ARHGEF1: variants seen among roughly 807,000 people sequenced by gnomAD.
The protein encoded by ARHGEF1 is Rho guanine nucleotide exchange factor 1, also known as 115 kDa guanine nucleotide exchange factor.
In ARHGEF1, 40 loss-of-function variants were observed where a neutral mutation model predicts 119.7. The ratio of observed to expected loss-of-function variants is 0.33; its 90% CI spans 0.26 to 0.44. ARHGEF1 has a LOEUF of 0.44. Ranked by LOEUF, ARHGEF1 falls within the 20% of genes least tolerant of loss-of-function variation. ARHGEF1 has a pLI of 1.00. For synonymous variants in ARHGEF1, 494 were observed against 521.0 expected, an observed-to-expected ratio of 0.95 and a Z score of 0.71; for missense variants, 976 against 1,268.3, an observed-to-expected ratio of 0.77 and a Z score of 3.50.
At chr19:41,909,215 GT>G, downstream of ARHGEF1, 1 of 1,230,722 alleles carries the variant, frequency 8.1e-7, no homozygotes. The surrounding 1 kb of genome is among the most constrained non-coding windows in gnomAD (Gnocchi z 5.2). Context: ...TTCTCAGACT[GT>G]CCCCTCCCCA....
In ARHGEF1 at chr19:41,903,512, C is replaced by A; in HGVS notation, c.1839+105C>A. The A allele has an allele frequency of 8.6e-7, 1 of 1,161,888 alleles. No individual in the cohort carries two copies. Among genetic ancestry groups the A allele is most frequent in the Non-Finnish European group, 1.2e-6 (1 of 839,732 alleles). The allele number at this position is 1,161,888 out of a possible 1,614,324, so 72.0% of individuals were successfully genotyped here. On this transcript the variant is annotated intron_variant, in intron 19 of 28. Coordinates refer to ENST00000354532, the MANE Select transcript of ARHGEF1 (RefSeq NM_004706.4). The surrounding 1 kb of genome is among the most constrained non-coding windows in gnomAD (Gnocchi z 4.2). ...AGTCACACCCCACCCCTTGGCTTGT[C>A]TCCCTCAAGGGTCACTGTGTCCAGG...
chr19:41,885,556 G>T (rs1225890549), intron 1 of ARHGEF1, among the ~76,000 whole-genome samples: 1 of 152,150 alleles, frequency 6.6e-6, no homozygotes, highest in Non-Finnish European at 1.5e-5. Context: ...CCGCCTCCCG[G>T]ATTCAAGCGA....
chr19:41,905,082 T>A lies in ARHGEF1; in HGVS notation c.2249+46T>A. ...TGAGTGTGGGTGGAGGACGCCCAGGTTTCTGGGTTCCCAGGGACAGGAGGG... is the reference window on the plus strand; with the variant it reads ...TGAGTGTGGGTGGAGGACGCCCAGGATTCTGGGTTCCCAGGGACAGGAGGG... On this transcript the variant is annotated intron_variant, in intron 23 of 28. Transcript: ENST00000354532. The surrounding 1 kb of genome is among the most constrained non-coding windows in gnomAD (Gnocchi z 6.4). 2 of 1,610,952 alleles carry A rather than the reference T, an allele frequency of 1.2e-6. No homozygotes were observed. The highest frequency in any genetic ancestry group is 1.7e-6 in the Non-Finnish European group (2 of 1,177,298).
At chr19:41,885,916 C>T (rs1357890793) in intron 1 of ARHGEF1, among the ~76,000 whole-genome samples, 1 of 152,032 alleles carries the variant, frequency 6.6e-6, no homozygotes, top group African/African-American at 2.4e-5. Context: ...CCACACCTGG[C>T]TATCTTTTGT....
At chr19:41,911,908 CAT>C (rs782278376), downstream of ARHGEF1, among the ~76,000 whole-genome samples, 6 of 151,980 alleles carry the variant, frequency 3.9e-5, no homozygotes, top group African/African-American at 9.7e-5. Context: ...AGAATTCACT[CAT>C]GTGCACATGG....
chr19:41,897,942 C>T (rs988324022), intron 13 of ARHGEF1: 1 of 1,302,194 alleles, frequency 7.7e-7, no homozygotes, highest in African/African-American at 1.5e-5. Flanking sequence ...GCCTCGGGGT[C>T]CAGGCTATCA....
chr19:41,895,343 C>A lies in ARHGEF1; in HGVS notation c.878-6C>A. ...TCTCCCTCTTTCTCCCTCACTGTCT[C>A]CCCAGCCGAGAAGCCAGGTGCTACA... On this transcript the variant is annotated splice_region_variant and splice_polypyrimidine_tract_variant and intron_variant, in intron 11 of 28. Transcript: ENST00000354532. The A allele has an allele frequency of 6.2e-7, 1 of 1,604,058 alleles. No homozygotes were observed. Among genetic ancestry groups the A allele is most frequent in the Non-Finnish European group, 8.5e-7 (1 of 1,174,142 alleles).
At chr19:41,920,157 CATG>C (rs1362128755), upstream of ARHGEF1, among the ~76,000 whole-genome samples, 15 of 115,090 alleles carry the variant, frequency 1.3e-4, no homozygotes, top group African/African-American at 6.5e-4. Flanking sequence ...CACGCCCAGA[CATG>C]ATGCACTCAG....
chr19:41,907,715 G>GTTCTT, downstream of ARHGEF1: 1 of 279,870 alleles, frequency 3.6e-6, no homozygotes, highest in Non-Finnish European at 6.6e-6. Context: ...CTCACTCTCT[G>GTTCTT]TTCTTTTATT....
chr19:41,904,529 G>C lies in ARHGEF1; in HGVS notation c.2161+146G>C, dbSNP rs954802184. 1 of 1,001,766 alleles carries C rather than the reference G, an allele frequency of 1.0e-6. No individual in the cohort carries two copies. The highest frequency in any genetic ancestry group is 1.4e-6 in the Non-Finnish European group (1 of 702,150). The allele number at this position is 1,001,766 out of a possible 1,614,324, so 62.1% of individuals were successfully genotyped here. ...AGAAGTAGGTGGAGGTGGGCAGGGC[G>C]GGGCCAGGCCTAGAGGGTTTATAAG... On this transcript the variant is annotated intron_variant, in intron 22 of 28. Transcript: ENST00000354532. This position sits in a 1 kb window ranked among gnomAD's most constrained non-coding sequence, Gnocchi z 8.4.
chr19:41,897,264 G>A lies in ARHGEF1; in HGVS notation c.1121+782G>A, dbSNP rs1267003830. The A allele has an allele frequency of 4.7e-6, 6 of 1,280,958 alleles. No individual in the cohort carries two copies. The African/African-American group carries it at 9.2e-5, about 20-fold the overall frequency. 79.3% of individuals were successfully genotyped at this position (1,280,958 alleles called of 1,614,324 possible). A position where few individuals can be genotyped will look rare whatever the true frequency, so the allele number is the denominator to read the frequency against. ...ACCCTTTGGTGGGTGCGGGGAGGTG[G>A]GTCAGGTTCCATCTGGGCCCACCTC... On this transcript the variant is annotated intron_variant, in intron 13 of 28. Transcript: ENST00000354532.
Position 41,906,329 on chromosome 19 carries a change from A to G in ARHGEF1, c.2492-128A>G, listed in dbSNP as rs1411775362. On this transcript the variant is annotated intron_variant, in intron 26 of 28. Coordinates refer to ENST00000354532, the MANE Select transcript of ARHGEF1 (RefSeq NM_004706.4). The surrounding 1 kb of genome is among the most constrained non-coding windows in gnomAD (Gnocchi z 4.5). The stretch of plus-strand genomic sequence containing the variant: ...ACCTCCCTTTGGATCCCCGAACCCC[A>G]TCTGCTCAGCCTTGCCTGGCACCCA... 11 of 969,160 alleles carry G rather than the reference A, an allele frequency of 1.1e-5. No homozygotes were observed. The African/African-American group carries it at 1.8e-4, about 16-fold the overall frequency. The allele number at this position is 969,160 out of a possible 1,614,324, so 60.0% of individuals were successfully genotyped here.
chr19:41,912,690 A>G (rs1359848904), intron 18 of ARHGEF1, among the ~76,000 whole-genome samples: 1 of 152,162 alleles, frequency 6.6e-6, no homozygotes, highest in East Asian at 1.9e-4. Context: ...GTTTTTAGCC[A>G]AGTTTCTCAG....
chr19:41,894,740 GAGGAGGGGC>G, intron 11 of ARHGEF1, 79 bp downstream of exon 11: 1 of 1,442,172 alleles, frequency 6.9e-7, no homozygotes, highest in East Asian at 3.4e-5. Context: ...GGGTCTGAGG[GAGGAGGGGC>G]TGGGACCTGG....
At position 41,888,390 on chromosome 19, in the gene ARHGEF1, C is replaced by A. The variant is rs570885235; in HGVS notation, c.111+112C>A. 67 of 1,044,968 alleles carry A rather than the reference C, an allele frequency of 6.4e-5. 1 individual carries two copies. The Admixed American group carries it at 1.3e-3, about 21-fold the overall frequency. The allele number at this position is 1,044,968 out of a possible 1,614,324, so 64.7% of individuals were successfully genotyped here. ...GGCCTTTTCCCACGGTCTGTCTCAT[C>A]CTCTCATCTCCCTGGTACCTCCTTC... On this transcript the variant is annotated intron_variant, in intron 3 of 28. Transcript: ENST00000354532. The surrounding 1 kb of genome is among the most constrained non-coding windows in gnomAD (Gnocchi z 5.1).
rs569647832 is a variant in ARHGEF1, at chr19:41,892,337, C to T, written c.331C>T (p.Arg111Trp). ...HSFLEKTAVLRVPVPPNVAFE... is the reference protein window; with the variant it reads ...HSFLEKTAVLWVPVPPNVAFE... ...CATTCTCTCTCTTGAGCAGGTTCTC[C>T]GGGTGCCGGTCCCTCCCAACGTCGC... The change falls in exon 6 of 29, where the codon CGG (arginine) becomes TGG (tryptophan). Residue 111 changes from arginine (R) to tryptophan (W), a missense_variant. Physicochemically the swap from Arg to Trp is moderately radical, Grantham distance 101. Coordinates refer to ENST00000354532, the MANE Select transcript of ARHGEF1 (RefSeq NM_004706.4). The surrounding 1 kb of genome is among the most constrained non-coding windows in gnomAD (Gnocchi z 6.3). 2 of 1,613,958 alleles carry T rather than the reference C, an allele frequency of 1.2e-6. No individual in the cohort carries two copies. Among genetic ancestry groups the T allele is most frequent in the African/African-American group, 1.3e-5 (1 of 75,034 alleles).
At chr19:41,901,793 C>T in intron 14 of ARHGEF1, 94 bp from the exon 15 acceptor site, 1 of 1,461,566 alleles carries the variant, frequency 6.8e-7, no homozygotes, top group Non-Finnish European at 9.2e-7. Flanking sequence ...AAGCTTTCCT[C>T]CCTGCTCTGC....
intron 1 of ARHGEF1, among the ~76,000 whole-genome samples, chr19:41,926,101 C>T (rs138528071): frequency 0.011 from 1,667 of 151,840 alleles, 31 homozygotes; most frequent in African/African-American, 0.034. Flanking sequence ...GGATGGCTCA[C>T]GTACAGGTAG....
Position 41,906,850 on chromosome 19 carries a change from C to G in ARHGEF1, c.*17+47C>G. 1 of 1,450,880 alleles carries G rather than the reference C, an allele frequency of 6.9e-7. No homozygotes were observed. The highest frequency in any genetic ancestry group is 9.4e-7 in the Non-Finnish European group (1 of 1,067,424). 89.9% of individuals were successfully genotyped at this position (1,450,880 alleles called of 1,614,324 possible). A position where few individuals can be genotyped will look rare whatever the true frequency, so the allele number is the denominator to read the frequency against. ...CAGGGCGCTGTCCTGAAAGGAGGGT[C>G]CCCCTCCAGAGCTCGCATCCCTACA... On this transcript the variant is annotated intron_variant, in intron 28 of 28. Transcript: ENST00000354532. The surrounding 1 kb of genome is among the most constrained non-coding windows in gnomAD (Gnocchi z 4.5).
Sources: allele counts gnomAD v4.1 joint callset (sites outside exome capture counted in the v4.1 genomes callset), GRCh38; gene constraint gnomAD v4.1.1; non-coding constraint Gnocchi (gnomAD v3.1); transcripts MANE v1.5; gene names NCBI Gene and HGNC (gene_info 2026-07-23, HGNC 2026-07-21).